Variants in TNRC6B observed in about 807,000 individuals in gnomAD.
TNRC6B encodes trinucleotide repeat containing adaptor 6B.
A neutral mutation model predicts 203.6 loss-of-function variants in TNRC6B; 52 were observed. The observed-to-expected ratio is 0.26, with a 90% CI of 0.20 to 0.32. The LOEUF (loss-of-function observed/expected upper bound fraction) is 0.32. Ranked by LOEUF, TNRC6B falls within the 10% of genes least tolerant of loss-of-function variation. TNRC6B has a pLI of 1.00. For synonymous variants in TNRC6B, 838 were observed against 845.7 expected, an observed-to-expected ratio of 0.99 and a Z score of 0.16; for missense variants, 1,923 against 2,286.2, an observed-to-expected ratio of 0.84 and a Z score of 3.24.
intron 3 of TNRC6B, among the ~76,000 whole-genome samples, chr22:40,134,173 C>T (rs1266091925): frequency 1.3e-5 from 2 of 152,084 alleles, no homozygotes; most frequent in African/African-American, 4.8e-5. Flanking sequence ...CATAACTTTC[C>T]ACTCTTAAAG....
intron 12 of TNRC6B, among the ~76,000 whole-genome samples, chr22:40,291,896 C>T (rs1332668878): frequency 6.6e-6 from 1 of 152,166 alleles, no homozygotes. Flanking sequence ...TTAATGTAAA[C>T]ATAGAAGATA....
At chr22:40,166,169 A>G (rs1230289644) in intron 4 of TNRC6B, among the ~76,000 whole-genome samples, 1 of 152,166 alleles carries the variant, frequency 6.6e-6, no homozygotes. Context: ...TGGGCAGGCA[A>G]AGAAATCTTT....
At chr22:40,322,817 C>G (rs911717166) in intron 22 of TNRC6B, 37 bp from the exon 23 acceptor site, 3 of 1,611,956 alleles carry the variant, frequency 1.9e-6, no homozygotes, top group Non-Finnish European at 2.5e-6. Flanking sequence ...TAGGATTTTC[C>G]TGAGATCCAT....
chr22:40,095,784 A>C (rs1350673387), intron 1 of TNRC6B, among the ~76,000 whole-genome samples: 2 of 151,776 alleles, frequency 1.3e-5, no homozygotes, highest in East Asian at 3.9e-4. Flanking sequence ...GCCAACATTC[A>C]CTGAATACCT....
chr22:40,302,811 G>C (rs368023280), intron 15 of TNRC6B, among the ~76,000 whole-genome samples: 4 of 152,126 alleles, frequency 2.6e-5, no homozygotes, highest in East Asian at 1.9e-4. Flanking sequence ...ATATTTTAAC[G>C]GAATTACTTT....
At position 40,264,739 on chromosome 22, in the gene TNRC6B, G is replaced by A. The variant is rs772856043; in HGVS notation, c.509G>A (p.Gly170Asp). The A allele has an allele frequency of 8.7e-6, 14 of 1,610,020 alleles. No individual in the cohort carries two copies. In the East Asian group the frequency reaches 2.7e-4, roughly 31 times the overall value. The change falls in exon 5 of 23, where the codon GGC (glycine) becomes GAC (aspartate). Residue 170 changes from glycine (G) to aspartate (D), a missense_variant. Gly to Asp is a moderately conservative substitution (Grantham distance 94). Around this residue, in one of 8 missense-constraint regions of TNRC6B, gnomAD observed 614 missense variants for 587.7 expected, o/e 1.04. Transcript: ENST00000454349. ...TCAAATTATGCAAATTCCACTTGGG[G>A]CTCGGGAGCCTCCTCCAACAACGGC... The part of the protein sequence containing the change: ...AASNYANSTW[G>D]SGASSNNGTS...
At chr22:40,172,618 ATTAGT>A (rs1031823768) in intron 4 of TNRC6B, among the ~76,000 whole-genome samples, 10 of 152,240 alleles carry the variant, frequency 6.6e-5, no homozygotes, top group Admixed American at 2.6e-4. Flanking sequence ...ACAAGTGAAC[ATTAGT>A]TTAGTTTTAT....
chr22:40,254,477 G>A (rs2070239186), intron 3 of TNRC6B, among the ~76,000 whole-genome samples: 2 of 152,146 alleles, frequency 1.3e-5, no homozygotes, highest in Admixed American at 1.3e-4. Flanking sequence ...CCATAATTAT[G>A]CCACTGTACT....
intron 1 of TNRC6B, among the ~76,000 whole-genome samples, chr22:40,052,359 T>C (rs1298710813): frequency 6.6e-6 from 1 of 151,862 alleles, no homozygotes; most frequent in Non-Finnish European, 1.5e-5. Flanking sequence ...AATCGGTGTC[T>C]GATGAATTAG....
At chr22:40,054,045 T>C (rs1443936444) in intron 1 of TNRC6B, among the ~76,000 whole-genome samples, 1 of 152,044 alleles carries the variant, frequency 6.6e-6, no homozygotes, top group Non-Finnish European at 1.5e-5. Context: ...AGCAAAACCC[T>C]GTCTCTGCAA....
intron 3 of TNRC6B, among the ~76,000 whole-genome samples, chr22:40,135,211 C>T (rs1183851332): frequency 6.6e-6 from 1 of 152,160 alleles, no homozygotes; most frequent in Non-Finnish European, 1.5e-5. Flanking sequence ...TAGAAGTCAC[C>T]CAGCTTTGCT....
At chr22:40,291,624 AATG>A (rs1169742405) in intron 12 of TNRC6B, among the ~76,000 whole-genome samples, 1 of 152,228 alleles carries the variant, frequency 6.6e-6, no homozygotes. Flanking sequence ...CGGTGATCAT[AATG>A]ATGTTTCATC....
intron 3 of TNRC6B, among the ~76,000 whole-genome samples, chr22:40,144,795 T>C (rs1447999838): frequency 1.3e-5 from 2 of 151,456 alleles, no homozygotes; most frequent in East Asian, 3.9e-4. Flanking sequence ...CAGATCCCAG[T>C]GATATTAAGC....
chr22:40,204,299 A>G (rs2069450846), intron 1 of TNRC6B, among the ~76,000 whole-genome samples: 1 of 152,302 alleles, frequency 6.6e-6, no homozygotes, highest in East Asian at 1.9e-4. Context: ...GTCCTGTGAA[A>G]TGTAAGCCTC....
intron 1 of TNRC6B, among the ~76,000 whole-genome samples, chr22:40,111,616 G>T (rs1161764443): frequency 3.3e-5 from 5 of 152,216 alleles, no homozygotes. Context: ...ATTTGAGTGG[G>T]ATGGCAGTAT....
chr22:40,221,466 A>G (rs1387098706), intron 1 of TNRC6B, among the ~76,000 whole-genome samples: 1 of 152,046 alleles, frequency 6.6e-6, no homozygotes, highest in Non-Finnish European at 1.5e-5. Flanking sequence ...TTGAGACAAG[A>G]TCTTGCTTGG....
chr22:40,057,089 A>G (rs1179373719), intron 1 of TNRC6B, among the ~76,000 whole-genome samples: 7 of 152,186 alleles, frequency 4.6e-5, no homozygotes, highest in Admixed American at 1.3e-4. Flanking sequence ...TGGTTTGCAC[A>G]TAGTAGGTGT....
At chr22:40,166,868 C>T (rs191597294) in intron 4 of TNRC6B, among the ~76,000 whole-genome samples, 45 of 148,326 alleles carry the variant, frequency 3.0e-4, no homozygotes, top group Middle Eastern at 3.4e-3. Flanking sequence ...ACACTCCAGC[C>T]TGGGTGACGG....
At chr22:40,302,696 C>T (rs1453326093) in intron 15 of TNRC6B, among the ~76,000 whole-genome samples, 1 of 151,590 alleles carries the variant, frequency 6.6e-6, no homozygotes, top group Admixed American at 6.6e-5. Flanking sequence ...GACAGTGTGA[C>T]CCTGGACAAA....
Sources: allele counts gnomAD v4.1 joint callset (sites outside exome capture counted in the v4.1 genomes callset), GRCh38; gene constraint gnomAD v4.1.1; regional missense constraint gnomAD v4.1.1; transcripts MANE v1.5; gene names NCBI Gene and HGNC (gene_info 2026-07-23, HGNC 2026-07-21).